The following NEBL variants were observed in gnomAD, a reference collection of about 807,000 sequenced individuals.
NEBL encodes the protein nebulette.
In NEBL, 122 loss-of-function variants were observed where a neutral mutation model predicts 140.2. That is an observed-to-expected ratio of 0.87 (90% confidence interval 0.75 to 1.01). The LOEUF (loss-of-function observed/expected upper bound fraction) is 1.01. Among genes scored for constraint, NEBL ranks in the 50% least tolerant of loss-of-function variants. The pLI is 0.00. For missense variants in NEBL, 1,365 were observed against 1,231.3 expected (o/e 1.11, Z -1.62); for synonymous variants, 436 against 398.9 (o/e 1.09, Z -1.11).
chr10:20,955,137 G>A (rs1835728436), intron 4 of NEBL, among the ~76,000 whole-genome samples: 1 of 152,166 alleles, frequency 6.6e-6, no homozygotes, highest in South Asian at 2.1e-4. Flanking sequence ...GGTAGGGAGG[G>A]CCCTAAATTA....
chr10:20,916,727 A>C (rs1848572592), intron 4 of NEBL, among the ~76,000 whole-genome samples: 1 of 152,152 alleles, frequency 6.6e-6, no homozygotes, highest in South Asian at 2.1e-4. Flanking sequence ...ACTTTCAAAT[A>C]TTCTCTTGAT....
At chr10:20,917,859 T>C (rs1833383745) in intron 4 of NEBL, among the ~76,000 whole-genome samples, 1 of 152,198 alleles carries the variant, frequency 6.6e-6, no homozygotes, top group Admixed American at 6.5e-5. Flanking sequence ...CTTAACTTGC[T>C]CTTATTGAAA....
chr10:21,285,427 AC>A (rs1843042886), intron 1 of NEBL, among the ~76,000 whole-genome samples: 1 of 152,112 alleles, frequency 6.6e-6, no homozygotes, highest in Admixed American at 6.5e-5. Context: ...TTTCTCGCCT[AC>A]CTGGAAGCCC....
At chr10:21,077,289 T>C (rs1836141803) in intron 2 of NEBL, among the ~76,000 whole-genome samples, 1 of 152,154 alleles carries the variant, frequency 6.6e-6, no homozygotes, top group Non-Finnish European at 1.5e-5. Flanking sequence ...TTATATTTAT[T>C]ATGGAGCAAG....
intron 2 of NEBL, among the ~76,000 whole-genome samples, chr10:21,100,093 C>T (rs901135032): frequency 6.6e-6 from 1 of 152,204 alleles, no homozygotes; most frequent in Non-Finnish European, 1.5e-5. Context: ...TGTGCTTAGA[C>T]ACCCACTCAG....
At chr10:21,260,534 TGTG>T (rs1842725325) in intron 1 of NEBL, among the ~76,000 whole-genome samples, 1 of 152,216 alleles carries the variant, frequency 6.6e-6, no homozygotes, top group African/African-American at 2.4e-5. Context: ...TGCCCTTGAT[TGTG>T]TGTTCATTTG....
At chr10:20,801,142 G>A (rs1446273224) in intron 26 of NEBL, among the ~76,000 whole-genome samples, 1 of 151,922 alleles carries the variant, frequency 6.6e-6, no homozygotes. Context: ...TTTCTGCCTA[G>A]TACATTCCTT....
At chr10:21,248,795 G>T (rs987784774) in intron 2 of NEBL, among the ~76,000 whole-genome samples, 30 of 151,844 alleles carry the variant, frequency 2.0e-4, no homozygotes, top group African/African-American at 6.3e-4. Context: ...CAATGCACAA[G>T]GGTTCCAATT....
At chr10:21,141,797 T>C (rs1235840682) in intron 2 of NEBL, among the ~76,000 whole-genome samples, 3 of 152,304 alleles carry the variant, frequency 2.0e-5, no homozygotes, top group Non-Finnish European at 1.5e-5. Flanking sequence ...CCAAAATTGA[T>C]AACATCCCTT....
At chr10:21,206,292 C>T (rs189747705) in intron 3 of NEBL, among the ~76,000 whole-genome samples, 2 of 152,312 alleles carry the variant, frequency 1.3e-5, no homozygotes, top group African/African-American at 2.4e-5. Context: ...ACATTGAATA[C>T]TACTAAAATA....
upstream of NEBL, among the ~76,000 whole-genome samples, chr10:21,177,811 A>AGC (rs1459279180): frequency 6.6e-6 from 1 of 152,166 alleles, no homozygotes; most frequent in East Asian, 1.9e-4. Flanking sequence ...TACAGGCGTG[A>AGC]GCCACCGTGC....
At chr10:21,010,591 C>A (rs1838300156) in intron 3 of NEBL, among the ~76,000 whole-genome samples, 1 of 145,372 alleles carries the variant, frequency 6.9e-6, no homozygotes, top group Admixed American at 6.7e-5. Flanking sequence ...ACCACATAAT[C>A]AAGCAAAGCC....
intron 1 of NEBL, among the ~76,000 whole-genome samples, chr10:21,264,153 T>C (rs1001638607): frequency 3.3e-5 from 5 of 152,350 alleles, no homozygotes; most frequent in African/African-American, 4.8e-5. Flanking sequence ...AAGTTTATAC[T>C]GTGGTTGGAT....
Position 20,819,777 on chromosome 10 carries a change from T to C in NEBL, c.1963-261A>G, listed in dbSNP as rs71578949. 0.055 allele frequency among the ~76,000 whole-genome samples: 8,380 copies of C among 152,112 alleles called. 325 individuals are homozygous for C. Among genetic ancestry groups the C allele is most frequent in the Middle Eastern group, 0.13 (38 of 294 alleles). ...TCTTGCTCCGTTGTCCAGGCTGGAGTGCAGTGGCGTCATCACAGCTCACTG... is the reference window on the plus strand; with the variant it reads ...TCTTGCTCCGTTGTCCAGGCTGGAGCGCAGTGGCGTCATCACAGCTCACTG... On this transcript the variant is annotated intron_variant, in intron 19 of 27. Transcript: ENST00000377122.
At chr10:20,987,694 T>A (rs1254103524) in intron 3 of NEBL, among the ~76,000 whole-genome samples, 1 of 152,176 alleles carries the variant, frequency 6.6e-6, no homozygotes, top group East Asian at 1.9e-4. Flanking sequence ...GCATTTTCTT[T>A]AGAGCATAAG....
intron 2 of NEBL, among the ~76,000 whole-genome samples, chr10:21,155,664 T>A (rs1840310236): frequency 6.6e-6 from 1 of 152,190 alleles, no homozygotes; most frequent in African/African-American, 2.4e-5. Context: ...TCACTGGTAA[T>A]CACTGCATTG....
At chr10:21,244,991 T>TA (rs35172520) in intron 3 of NEBL, among the ~76,000 whole-genome samples, 2,089 of 118,256 alleles carry the variant, frequency 0.018, 20 homozygotes, top group African/African-American at 0.028. Context: ...ATGCTGTCTC[T>TA]AAAAAAAAAA....
At chr10:20,795,306 T>C (rs971075295) in intron 26 of NEBL, among the ~76,000 whole-genome samples, 5 of 152,192 alleles carry the variant, frequency 3.3e-5, no homozygotes, top group African/African-American at 1.2e-4. Flanking sequence ...GTTAGGCTCA[T>C]AGAGGTTACT....
At chr10:20,791,832 G>C (rs138516643) in intron 26 of NEBL, among the ~76,000 whole-genome samples, 60 of 152,296 alleles carry the variant, frequency 3.9e-4, no homozygotes, top group African/African-American at 1.3e-3. Context: ...AGTTCACTGG[G>C]GGGGATGTAC....
Sources: gnomAD v4.1 joint callset for allele counts (sites outside exome capture counted in the v4.1 genomes callset) on GRCh38, gnomAD v4.1.1 for gene constraint, MANE v1.5 for transcripts, NCBI Gene and HGNC (gene_info 2026-07-23, HGNC 2026-07-21) for gene names.